ADAM33: variants seen among roughly 807,000 people sequenced by gnomAD.
ADAM33 encodes the protein ADAM metallopeptidase domain 33.
A neutral mutation model predicts 106.2 loss-of-function variants in ADAM33; 103 were observed. The observed-to-expected ratio is 0.97, with a 90% CI of 0.83 to 1.14. ADAM33 has a LOEUF of 1.14. Ranked by LOEUF, ADAM33 falls within the 50% of genes most tolerant of loss-of-function variation. The pLI, the probability that ADAM33 is intolerant of heterozygous loss-of-function variation, is 0.00. For synonymous variants in ADAM33, 483 were observed against 453.0 expected (o/e 1.07, Z -0.84); for missense variants, 1,120 against 1,096.6 (o/e 1.02, Z -0.30).
Position 3,672,822 on chromosome 20 carries a change from A to T in ADAM33, c.1210T>A (p.Cys404Ser). ...RAFFRKGGGACLSNAPDPGLP... is the reference protein window; with the variant it reads ...RAFFRKGGGASLSNAPDPGLP... ...CCGGGGTCCGGGGCATTGGAGAGGC[A>T]AGCGCCGCCCCCCTTGCGGAAGAAG... The change falls in exon 12 of 22, where the codon TGC becomes AGC. Residue 404 changes from cysteine to serine, a missense_variant. Physicochemically the swap from Cys to Ser is moderately radical, Grantham distance 112. Coordinates refer to ENST00000356518, the MANE Select transcript of ADAM33 (RefSeq NM_025220.5). 1 of 1,575,606 alleles carries T rather than the reference A, an allele frequency of 6.3e-7. No individual in the cohort carries two copies. The highest frequency in any genetic ancestry group is 1.1e-5 in the South Asian group (1 of 88,130).
chr20:3,676,857 G>A (rs1433502425), intron 3 of ADAM33, among the ~76,000 whole-genome samples: 1 of 152,184 alleles, frequency 6.6e-6, no homozygotes, highest in African/African-American at 2.4e-5. Context: ...CCTGGGGTTG[G>A]GAGGGCGGAG....
In ADAM33 at chr20:3,673,455, G is replaced by T; in HGVS notation, c.1032C>A (p.Ala344=). 6.4e-7 allele frequency: 1 copy of T among 1,559,618 alleles called. No individual in the cohort carries two copies. Reference sequence around the variant, plus strand: ...GGCCGAGGCTGTGGCCGATCTCATGGGCCATGGTGGCTGCGGCGCCGATGG... The same window carrying T: ...GGCCGAGGCTGTGGCCGATCTCATGTGCCATGGTGGCTGCGGCGCCGATGG... ...ELPIGAAATM[A]HEIGHSLGLS... Residue 344 remains alanine, a synonymous_variant, in exon 11 of 22, where the codon GCC becomes GCA. Transcript: ENST00000356518.
At chr20:3,679,141 T>C (rs2088230044) in intron 2 of ADAM33, among the ~76,000 whole-genome samples, 1 of 149,510 alleles carries the variant, frequency 6.7e-6, no homozygotes, top group Admixed American at 6.6e-5. Flanking sequence ...TGGTGCTTTT[T>C]TTTTTTTTTT....
At chr20:3,673,216 A>C in intron 11 of ADAM33, 138 bp downstream of exon 11, 1 of 1,533,084 alleles carries the variant, frequency 6.5e-7, no homozygotes, top group Non-Finnish European at 8.7e-7. Flanking sequence ...TAAGCCTCAT[A>C]AACCACCCTG....
chr20:3,672,399 G>C (rs756654266), intron 13 of ADAM33, 70 bp from the exon 14 acceptor site: 42 of 1,580,224 alleles, frequency 2.7e-5, no homozygotes, highest in Admixed American at 3.4e-5. Context: ...TGCCGAGAGC[G>C]CGGCTCGGAG....
rs751096065 is a variant in ADAM33 at position 3,674,718 on chromosome 20, G to A, written c.411-25C>T. 13 of 1,595,586 alleles carry A rather than the reference G, an allele frequency of 8.1e-6. No homozygotes were observed. In the Admixed American group the frequency reaches 2.1e-4, roughly 26 times the overall value. ...ACTAGGGTGCAGAGGGGTAGGAGCGGGTGTGAGGGAGCTCTTTCCCCATCC... is the reference window on the plus strand; with the variant it reads ...ACTAGGGTGCAGAGGGGTAGGAGCGAGTGTGAGGGAGCTCTTTCCCCATCC... On this transcript the variant is annotated intron_variant, in intron 5 of 21. Coordinates refer to ENST00000356518, the MANE Select transcript of ADAM33 (RefSeq NM_025220.5).
Position 3,673,350 on chromosome 20 carries a change from G to A in ADAM33, c.1133+4C>T. 1.3e-6 allele frequency: 2 copies of A among 1,538,092 alleles called. No homozygotes were observed. The highest frequency in any genetic ancestry group is 2.4e-5 in the South Asian group (2 of 84,180). On this transcript the variant is annotated splice_donor_region_variant and intron_variant, in intron 11 of 21. Transcript: ENST00000356518. ...GCCGCAGCCCCGACCCCCCACCCGC[G>A]TACCCGGTGGCCGCAGCCATGACGC... is the stretch of plus-strand genomic sequence containing the variant.
Position 3,671,907 on chromosome 20 carries a change from C to G in ADAM33, c.1676G>C (p.Ser559Thr), listed in dbSNP as rs765009386. ...GDAHGNCGQD[S>T]EGHFLPCAGR... The stretch of plus-strand genomic sequence containing the variant: ...TGCACAGGGCAGGAAGTGGCCCTCG[C>G]TGTCCTGGCCGCAGTTTCCATGAGC... Residue 559 changes from serine (S) to threonine (T), a missense_variant, in exon 15 of 22, where the codon AGC (serine) becomes ACC (threonine). Transcript: ENST00000356518. 1 of 1,554,282 alleles carries G rather than the reference C, an allele frequency of 6.4e-7. No individual in the cohort carries two copies. The highest frequency in any genetic ancestry group is 8.7e-7 in the Non-Finnish European group (1 of 1,148,422).
Position 3,671,322 on chromosome 20 carries a change from G to A in ADAM33, c.2007C>T (p.Cys669=). 1 of 1,613,930 alleles carries A rather than the reference G, an allele frequency of 6.2e-7. No individual in the cohort carries two copies. The highest frequency in any genetic ancestry group is 8.5e-7 in the Non-Finnish European group (1 of 1,179,954). The change falls in exon 18 of 22, where the codon TGC becomes TGT. Residue 669 remains cysteine, a synonymous_variant. Transcript: ENST00000356518. ...GTGGAGCCCAGCCTGGAGCACAGTG[G>A]CAGTTATGGTTGCTATTGCAAACCT... is the stretch of plus-strand genomic sequence containing the variant. ...SHGVCNSNHN[C]HCAPGWAPPF... is the part of the protein sequence containing the mutation.
In ADAM33 at chr20:3,679,382, A is replaced by G. The variant is rs1036559299; in HGVS notation, c.177+110T>C. 8 of 1,134,546 alleles carry G rather than the reference A, an allele frequency of 7.1e-6. No homozygotes were observed. In the Middle Eastern group the frequency reaches 9.9e-4, roughly 140 times the overall value. The allele number at this position is 1,134,546 out of a possible 1,614,324, so 70.3% of individuals were successfully genotyped here. On this transcript the variant is annotated intron_variant, in intron 2 of 21. Coordinates refer to ENST00000356518, the MANE Select transcript of ADAM33 (RefSeq NM_025220.5). The stretch of plus-strand genomic sequence containing the variant: ...GAGGCAGGGGCCTATAGGAGTAGTG[A>G]CTTGGTGGTTCTGGGGACCCCAGCA...
intron 21 of ADAM33, 123 bp from the exon 22 acceptor site, chr20:3,669,123 T>TCCCCAG (rs1456637616): frequency 3.8e-6 from 5 of 1,300,858 alleles, no homozygotes; most frequent in Non-Finnish European, 5.6e-6. Context: ...AGCTTCTCCC[T>TCCCCAG]CCCCAGCCCA....
At chr20:3,679,689 A>G (rs2088307024) in intron 1 of ADAM33, 118 bp from the exon 2 acceptor site, 3 of 838,622 alleles carry the variant, frequency 3.6e-6, no homozygotes, top group Admixed American at 2.3e-5. Context: ...CTTTTGGGGC[A>G]GACTTCACCT....
At chr20:3,676,531 G>T (rs534660373) in intron 3 of ADAM33, among the ~76,000 whole-genome samples, 2 of 151,030 alleles carry the variant, frequency 1.3e-5, no homozygotes, top group South Asian at 4.2e-4. Context: ...CTCTACCTCC[G>T]GGGTTCAAGC....
At chr20:3,678,260 G>C (rs1465395331) in intron 2 of ADAM33, among the ~76,000 whole-genome samples, 1 of 152,268 alleles carries the variant, frequency 6.6e-6, no homozygotes, top group Non-Finnish European at 1.5e-5. Flanking sequence ...TGAAATGTGA[G>C]TGTTTCCTGC....
chr20:3,674,324 G>A lies in ADAM33; in HGVS notation c.601-40C>T, dbSNP rs140041685. The A allele has an allele frequency of 5.2e-4, 844 of 1,613,120 alleles. 5 individuals are homozygous for A. In the African/African-American group the frequency reaches 5.8e-3, roughly 11 times the overall value. On this transcript the variant is annotated intron_variant, in intron 6 of 21. Coordinates refer to ENST00000356518, the MANE Select transcript of ADAM33 (RefSeq NM_025220.5). ...ATGGGGACCCTGAGTGGAAGCTGCT[G>A]GGCTTGAGCCCTGACCACCAATCCC...
At chr20:3,681,729 C>A (rs2088515327) in intron 1 of ADAM33, among the ~76,000 whole-genome samples, 179 bp downstream of exon 1, 1 of 152,134 alleles carries the variant, frequency 6.6e-6, no homozygotes, top group African/African-American at 2.4e-5. Context: ...ACTTGAGCGT[C>A]CCTGGGCAGG....
rs749815451 is a variant in ADAM33, at chr20:3,672,829, G to T, written c.1203C>A (p.Gly401=). The change falls in exon 12 of 22, where the codon GGC becomes GGA. Residue 401 remains glycine, a synonymous_variant. Transcript: ENST00000356518. ...RQLRAFFRKG[G]GACLSNAPDP... ...CCGGGGCATTGGAGAGGCAAGCGCC[G>T]CCCCCCTTGCGGAAGAAGGCGCGCA... is the stretch of plus-strand genomic sequence containing the variant. The T allele has an allele frequency of 6.4e-7, 1 of 1,574,246 alleles. No homozygotes were observed. Among genetic ancestry groups the T allele is most frequent in the Non-Finnish European group, 8.6e-7 (1 of 1,166,448 alleles).
intron 2 of ADAM33, among the ~76,000 whole-genome samples, chr20:3,678,746 G>T (rs999519736): frequency 6.6e-6 from 1 of 152,228 alleles, no homozygotes; most frequent in Non-Finnish European, 1.5e-5. Context: ...CCAGCCTAAA[G>T]AGCTGTGTGA....
Position 3,673,370 on chromosome 20 carries a change from T to G in ADAM33, c.1117A>C (p.Met373Leu), listed in dbSNP as rs2087691271. Reference sequence around the variant, plus strand: ...CCCGCGTACCCGGTGGCCGCAGCCATGACGCAGCCTCCGGACTCGGCCGCA... The same window carrying G: ...CCCGCGTACCCGGTGGCCGCAGCCAGGACGCAGCCTCCGGACTCGGCCGCA... ...EAAAESGGCV[M>L]AAATGHPFPR... Residue 373 changes from methionine (M) to leucine (L), a missense_variant, in exon 11 of 22, where the codon ATG becomes CTG. Met to Leu is a conservative substitution (Grantham distance 15). Transcript: ENST00000356518. 1 of 1,540,440 alleles carries G rather than the reference T, an allele frequency of 6.5e-7. No individual in the cohort carries two copies.
Sources: gnomAD v4.1 joint callset for allele counts (sites outside exome capture counted in the v4.1 genomes callset) on GRCh38, gnomAD v4.1.1 for gene constraint, MANE v1.5 for transcripts, NCBI Gene and HGNC (gene_info 2026-07-23, HGNC 2026-07-21) for gene names.